The following SLC8A1 variants were observed in gnomAD, a reference collection of about 807,000 sequenced individuals.
SLC8A1 encodes sodium/calcium exchanger 1.
In SLC8A1, 18 loss-of-function variants were observed where a neutral mutation model predicts 68.3. The ratio of observed to expected loss-of-function variants is 0.26; its 90% confidence interval spans 0.18 to 0.39. The LOEUF (loss-of-function observed/expected upper bound fraction) is 0.39. Ranked by LOEUF, SLC8A1 falls within the 10% of genes least tolerant of loss-of-function variation. SLC8A1 has a pLI of 1.00. For synonymous variants in SLC8A1, 475 were observed against 415.5 expected (o/e 1.14, Z -1.74); for missense variants, 985 against 1,156.7 (o/e 0.85, Z 2.15).
intron 2 of SLC8A1, among the ~76,000 whole-genome samples, chr2:40,401,746 G>A (rs1688820937): frequency 6.6e-6 from 1 of 151,850 alleles, no homozygotes; most frequent in African/African-American, 2.4e-5. Flanking sequence ...CAAGTTTATG[G>A]GGAACTATCT....
intron 2 of SLC8A1, among the ~76,000 whole-genome samples, chr2:40,339,393 G>A (rs1292403887): frequency 1.3e-5 from 2 of 152,212 alleles, no homozygotes; most frequent in African/African-American, 2.4e-5. Context: ...TCTCTGATGA[G>A]CAGTGGCAAT....
At chr2:40,482,903 G>T (rs557115829) in intron 1 of SLC8A1, among the ~76,000 whole-genome samples, 76 of 146,712 alleles carry the variant, frequency 5.2e-4, no homozygotes, top group Middle Eastern at 3.7e-3. Context: ...CCATTCTCCC[G>T]CCTCAGCCTC....
At chr2:40,252,612 G>GT (rs1331050464) in intron 2 of SLC8A1, among the ~76,000 whole-genome samples, 3 of 152,108 alleles carry the variant, frequency 2.0e-5, no homozygotes, top group African/African-American at 7.2e-5. Context: ...GGGATGACAG[G>GT]TGCACAGGTG....
intron 2 of SLC8A1, among the ~76,000 whole-genome samples, chr2:40,335,511 AAT>A (rs1665675474): frequency 6.6e-6 from 1 of 152,262 alleles, no homozygotes; most frequent in South Asian, 2.1e-4. Context: ...ACTGGATGGG[AAT>A]GACTGACTTA....
chr2:40,240,572 T>G (rs192290441), intron 2 of SLC8A1, among the ~76,000 whole-genome samples: 1 of 152,362 alleles, frequency 6.6e-6, no homozygotes, highest in African/African-American at 2.4e-5. Flanking sequence ...TTCACATGTT[T>G]GGACATGAAT....
chr2:40,440,050 G>C (rs1282011472), intron 1 of SLC8A1, among the ~76,000 whole-genome samples: 1 of 152,000 alleles, frequency 6.6e-6, no homozygotes, highest in Non-Finnish European at 1.5e-5. Context: ...ATTATTTAGA[G>C]GACCAAAGGG....
intron 2 of SLC8A1, among the ~76,000 whole-genome samples, chr2:40,315,536 C>T (rs1344246079): frequency 6.0e-5 from 9 of 149,506 alleles, no homozygotes; most frequent in South Asian, 2.1e-4. Context: ...ATTGAACTAG[C>T]GTTTAAAAAG....
chr2:40,135,267 C>G (rs2040272003), intron 7 of SLC8A1, among the ~76,000 whole-genome samples: 1 of 152,152 alleles, frequency 6.6e-6, no homozygotes, highest in Non-Finnish European at 1.5e-5. Flanking sequence ...GTAGTCTGGC[C>G]TGATTTACCG....
At chr2:40,448,682 G>A (rs1350869081) in intron 1 of SLC8A1, among the ~76,000 whole-genome samples, 1 of 152,140 alleles carries the variant, frequency 6.6e-6, no homozygotes, top group Non-Finnish European at 1.5e-5. Context: ...CCACAAGAGG[G>A]AGCAGTAGAA....
chr2:40,174,114 T>G (rs1393597568), intron 4 of SLC8A1, among the ~76,000 whole-genome samples: 1 of 152,134 alleles, frequency 6.6e-6, no homozygotes, highest in Non-Finnish European at 1.5e-5. Flanking sequence ...ATTACCATGT[T>G]ATTAATACTA....
chr2:40,442,678 T>C lies in SLC8A1; in HGVS notation c.-25+9226A>G, dbSNP rs143135402. Among the ~76,000 whole-genome samples the C allele has an allele frequency of 7.6e-3, 1,164 of 152,304 alleles. 9 individuals carry two copies. The highest frequency in any genetic ancestry group is 0.013 in the Non-Finnish European group (915 of 68,016). On this transcript the variant is annotated intron_variant, in intron 1 of 7. Coordinates refer to ENST00000406785, the Ensembl canonical transcript of SLC8A1. The stretch of plus-strand genomic sequence containing the variant: ...ATGGGATTATAAATTAGTTCAACCA[T>C]TGGGGAATACAGTGTGGCAATTCCT...
chr2:40,390,576 T>C (rs1684951183), intron 2 of SLC8A1, among the ~76,000 whole-genome samples: 1 of 152,050 alleles, frequency 6.6e-6, no homozygotes, highest in African/African-American at 2.4e-5. Context: ...CAGCAATCTG[T>C]ATTTTAACAA....
At chr2:40,203,221 A>G (rs1468452132) in intron 2 of SLC8A1, among the ~76,000 whole-genome samples, 1 of 152,046 alleles carries the variant, frequency 6.6e-6, no homozygotes, top group Non-Finnish European at 1.5e-5. Context: ...TAGAAACTGC[A>G]TTCCTGATTC....
At chr2:40,486,902 G>T (rs1465735293) in intron 1 of SLC8A1, among the ~76,000 whole-genome samples, 1 of 121,378 alleles carries the variant, frequency 8.2e-6, no homozygotes, top group African/African-American at 3.3e-5. Flanking sequence ...AGACATGGAT[G>T]AAGCTGGAAA....
intron 2 of SLC8A1, among the ~76,000 whole-genome samples, chr2:40,392,412 A>AG (rs1175150228): frequency 3.3e-5 from 5 of 151,978 alleles, no homozygotes; most frequent in African/African-American, 1.2e-4. Flanking sequence ...AAGATTTTCA[A>AG]GAAAGGAAGA....
At chr2:40,491,602 TATG>T (rs1384130176) in intron 1 of SLC8A1, among the ~76,000 whole-genome samples, 1 of 152,172 alleles carries the variant, frequency 6.6e-6, no homozygotes, top group African/African-American at 2.4e-5. Context: ...GCCTATTCAG[TATG>T]ATATTGGCTG....
chr2:40,492,313 C>G (rs1325255324), intron 1 of SLC8A1, among the ~76,000 whole-genome samples: 13 of 152,074 alleles, frequency 8.5e-5, no homozygotes, highest in Non-Finnish European at 1.9e-4. Context: ...GAAACTGGAT[C>G]CCTTCCTGAC....
intron 2 of SLC8A1, among the ~76,000 whole-genome samples, chr2:40,413,752 C>T (rs998441969): frequency 2.0e-5 from 3 of 152,052 alleles, no homozygotes; most frequent in African/African-American, 7.2e-5. Flanking sequence ...TAAGACATGC[C>T]AAGAAGTTTC....
intron 2 of SLC8A1, among the ~76,000 whole-genome samples, chr2:40,409,856 T>C (rs1234851436): frequency 6.6e-6 from 1 of 152,162 alleles, no homozygotes; most frequent in Non-Finnish European, 1.5e-5. Flanking sequence ...TCAATTTCAT[T>C]ACTGTCTGCC....
Sources: gnomAD v4.1 joint callset for allele counts (sites outside exome capture counted in the v4.1 genomes callset) on GRCh38, gnomAD v4.1.1 for gene constraint, MANE v1.5 for transcripts, NCBI Gene and HGNC (gene_info 2026-07-23, HGNC 2026-07-21) for gene names.